The following RFX3 variants were observed in gnomAD, a reference collection of about 807,000 sequenced individuals.
RFX3 encodes the protein transcription factor RFX3.
A neutral mutation model predicts 98.6 loss-of-function variants in RFX3; 14 were observed. The observed-to-expected ratio is 0.14, with a 90% CI of 0.09 to 0.22. The LOEUF is 0.22. Among genes scored for constraint, RFX3 ranks in the 10% least tolerant of loss-of-function variants. The pLI, the probability that RFX3 is intolerant of heterozygous loss-of-function variation, is 1.00. For synonymous variants in RFX3, 383 were observed against 328.4 expected (o/e 1.17, Z -1.80); for missense variants, 639 against 926.9 (o/e 0.69, Z 4.03).
At chr9:3,437,964 T>C (rs750204282) in intron 1 of RFX3, among the ~76,000 whole-genome samples, 5 of 152,190 alleles carry the variant, frequency 3.3e-5, no homozygotes, top group African/African-American at 1.2e-4. Context: ...TAATGACGTA[T>C]ATATTTTCTT....
chr9:3,476,345 C>T (rs1433997145), intron 1 of RFX3, among the ~76,000 whole-genome samples: 1 of 152,014 alleles, frequency 6.6e-6, no homozygotes, highest in Non-Finnish European at 1.5e-5. Flanking sequence ...TAATCATAAA[C>T]ATCATCTATA....
chr9:3,349,485 T>G (rs1027967637), intron 2 of RFX3, among the ~76,000 whole-genome samples: 5 of 152,098 alleles, frequency 3.3e-5, no homozygotes, highest in African/African-American at 1.2e-4. Flanking sequence ...TTACATGAAA[T>G]ATCTATGTGG....
intron 15 of RFX3, among the ~76,000 whole-genome samples, chr9:3,235,158 G>A (rs1277096791): frequency 1.3e-4 from 20 of 152,216 alleles, no homozygotes; most frequent in Non-Finnish European, 4.4e-5. Context: ...AAGTTTACAT[G>A]TGTTATTCAG....
chr9:3,333,108 C>T (rs1832781369), intron 3 of RFX3, among the ~76,000 whole-genome samples: 1 of 152,120 alleles, frequency 6.6e-6, no homozygotes, highest in Non-Finnish European at 1.5e-5. Context: ...ACATAGCTGG[C>T]ACACTAATCA....
chr9:3,424,139 T>C (rs1261746969), intron 1 of RFX3, among the ~76,000 whole-genome samples: 7 of 149,514 alleles, frequency 4.7e-5, no homozygotes, highest in South Asian at 2.1e-4. Context: ...AGAGGGAGAC[T>C]CCTTCTCAAA....
intron 15 of RFX3, among the ~76,000 whole-genome samples, chr9:3,231,565 C>T (rs777748613): frequency 2.0e-5 from 3 of 151,876 alleles, no homozygotes; most frequent in East Asian, 1.9e-4. Flanking sequence ...GAAAAATGAG[C>T]GCTTAGGAAA....
In RFX3 at chr9:3,257,206, C is replaced by A. The variant is rs752792597; in HGVS notation, c.1606-7G>T. 1.2e-6 allele frequency: 2 copies of A among 1,613,062 alleles called. No homozygotes were observed. Among genetic ancestry groups the A allele is most frequent in the Non-Finnish European group, 8.5e-7 (1 of 1,179,366 alleles). On this transcript the variant is annotated splice_polypyrimidine_tract_variant and splice_region_variant and intron_variant, in intron 13 of 16. Coordinates refer to ENST00000617270, the MANE Select transcript of RFX3 (RefSeq NM_001282116.2). ...ACACCCAGGAAGCCTGCTCCTGAGA[C>A]AGTAACACAGAAAGAAAAGGAAAAG...
chr9:3,265,677 TATTG>T (rs1375160268), intron 12 of RFX3, among the ~76,000 whole-genome samples: 2 of 152,182 alleles, frequency 1.3e-5, no homozygotes, highest in African/African-American at 4.8e-5. Flanking sequence ...TCCTGAGATA[TATTG>T]ATTAATTATG....
intron 1 of RFX3, among the ~76,000 whole-genome samples, chr9:3,404,221 C>T (rs1841746932): frequency 6.6e-6 from 1 of 152,108 alleles, no homozygotes. Flanking sequence ...TTCATATACA[C>T]ATAAATTCTG....
intron 2 of RFX3, among the ~76,000 whole-genome samples, chr9:3,373,226 G>A (rs532406222): frequency 3.9e-5 from 6 of 151,942 alleles, no homozygotes; most frequent in African/African-American, 9.7e-5. Flanking sequence ...ATGGATGAGG[G>A]AATAAACTCC....
chr9:3,464,403 T>A (rs929184360), intron 1 of RFX3, among the ~76,000 whole-genome samples: 2 of 152,154 alleles, frequency 1.3e-5, no homozygotes, highest in Non-Finnish European at 2.9e-5. Context: ...ATCAAATAGT[T>A]ATCAGAACAA....
intron 2 of RFX3, among the ~76,000 whole-genome samples, chr9:3,393,926 A>G (rs1587486442): frequency 1.3e-5 from 2 of 152,196 alleles, no homozygotes; most frequent in South Asian, 2.1e-4. Flanking sequence ...AAACCCCACC[A>G]TTATGTAATT....
rs1001954657 is a variant in RFX3 at position 3,346,706 on chromosome 9, T to C, written c.176A>G (p.Tyr59Cys). The change falls in exon 3 of 17, where the codon TAT (tyrosine) becomes TGT (cysteine). Residue 59 changes from tyrosine (Y) to cysteine (C), a missense_variant. Transcript: ENST00000617270. ...ATAGACAGTATCGCTTCCTTCCACA[T>C]ACTGCACCTGAGCGGGATAGACATG... Reference protein sequence around the residue: ...VQHVYPAQVQYVEGSDTVYTN... With the variant: ...VQHVYPAQVQCVEGSDTVYTN... 1 of 1,613,712 alleles carries C rather than the reference T, an allele frequency of 6.2e-7. No individual in the cohort carries two copies. Among genetic ancestry groups the C allele is most frequent in the South Asian group, 1.1e-5 (1 of 91,076 alleles).
chr9:3,407,622 G>A (rs998712708), intron 1 of RFX3, among the ~76,000 whole-genome samples: 1 of 151,976 alleles, frequency 6.6e-6, no homozygotes. Context: ...CAATTTAGAT[G>A]TTTAACACAC....
intron 4 of RFX3, chr9:3,324,196 T>G (rs1251169149): frequency 8.5e-6 from 2 of 234,768 alleles, no homozygotes; most frequent in Non-Finnish European, 2.0e-5. Flanking sequence ...TTAAAAAATA[T>G]TGAGGCTAAC....
rs1423273648 is a variant in RFX3 at position 3,220,352 on chromosome 9, A to C, written c.*4690T>G. ...CATTTTGGGAAAAAAAAGACAAAAA[A>C]AAAAGAAACTTAACCCTTTCTTTAT... On this transcript the variant is annotated 3_prime_UTR_variant, in exon 17 of 17. Transcript: ENST00000617270. 1 of 152,140 alleles carries C rather than the reference A, an allele frequency of 6.6e-6. No homozygotes were observed. The highest frequency in any genetic ancestry group is 1.9e-4 in the East Asian group (1 of 5,196). 9.4% of individuals were successfully genotyped at this position (152,140 alleles called of 1,614,324 possible).
chr9:3,493,698 AAAATAT>A (rs1448101106), intron 1 of RFX3, among the ~76,000 whole-genome samples: 72 of 111,206 alleles, frequency 6.5e-4, no homozygotes, highest in African/African-American at 3.0e-3. Context: ...AAAAAAAAAA[AAAATAT>A]ATATATATAT....
At chr9:3,277,113 A>T (rs376125242) in intron 8 of RFX3, among the ~76,000 whole-genome samples, 2 of 152,048 alleles carry the variant, frequency 1.3e-5, no homozygotes, top group Non-Finnish European at 2.9e-5. Flanking sequence ...TGAGTCTTTA[A>T]TTCATACGCA....
chr9:3,330,590 T>C, intron 3 of RFX3, 73 bp from the exon 4 acceptor site: 1 of 1,388,918 alleles, frequency 7.2e-7, no homozygotes, highest in Non-Finnish European at 9.8e-7. Context: ...CTAATATGAA[T>C]GTAATTGAAA....
Sources: gnomAD v4.1 joint callset for allele counts (sites outside exome capture counted in the v4.1 genomes callset) on GRCh38, gnomAD v4.1.1 for gene constraint, MANE v1.5 for transcripts, NCBI Gene and HGNC (gene_info 2026-07-23, HGNC 2026-07-21) for gene names.